The following PLPP4 variants were observed in gnomAD, a reference collection of about 807,000 sequenced individuals.
PLPP4 encodes the protein phospholipid phosphatase 4, also known as diacylglycerol pyrophosphate like 2.
Under a neutral mutation model 32.2 loss-of-function variants are expected in PLPP4, and 20 were observed. That is an observed-to-expected ratio of 0.62 (90% CI 0.44 to 0.90). The LOEUF (loss-of-function observed/expected upper bound fraction) is 0.90. Among genes scored for constraint, PLPP4 ranks in the 40% least tolerant of loss-of-function variants. The pLI, the probability that PLPP4 is intolerant of heterozygous loss-of-function variation, is 0.00. For synonymous variants in PLPP4, 127 were observed against 133.0 expected, an observed-to-expected ratio of 0.95 and a Z score of 0.31; for missense variants, 257 against 353.1, an observed-to-expected ratio of 0.73 and a Z score of 2.18.
chr10:120,583,505 A>T (rs943788924), intron 6 of PLPP4, among the ~76,000 whole-genome samples: 2 of 152,148 alleles, frequency 1.3e-5, no homozygotes, highest in African/African-American at 4.8e-5. Flanking sequence ...AAACATTTTT[A>T]TATATCCAGA....
chr10:120,465,457 A>T (rs1371082953), intron 1 of PLPP4, among the ~76,000 whole-genome samples: 1 of 152,236 alleles, frequency 6.6e-6, no homozygotes, highest in Non-Finnish European at 1.5e-5. Context: ...ACTAGTTGTT[A>T]TTCTATCTCC....
At chr10:120,486,275 TC>T (rs1844448261) in intron 1 of PLPP4, among the ~76,000 whole-genome samples, 1 of 151,808 alleles carries the variant, frequency 6.6e-6, no homozygotes, top group Admixed American at 6.6e-5. Context: ...TTTTTTTTTT[TC>T]CTCCTCAAAT....
chr10:120,560,884 G>A (rs1848402316), intron 5 of PLPP4, among the ~76,000 whole-genome samples: 1 of 152,196 alleles, frequency 6.6e-6, no homozygotes, highest in South Asian at 2.1e-4. Context: ...TGGTCAACAA[G>A]TAGGCTAGTA....
chr10:120,568,400 G>A (rs556399992), intron 5 of PLPP4, among the ~76,000 whole-genome samples: 3 of 152,304 alleles, frequency 2.0e-5, no homozygotes, highest in African/African-American at 4.8e-5. Flanking sequence ...GAGGCTACTC[G>A]TTTAGAAGAG....
At chr10:120,460,132 G>A (rs1847975358) in intron 1 of PLPP4, among the ~76,000 whole-genome samples, 1 of 152,154 alleles carries the variant, frequency 6.6e-6, no homozygotes, top group Admixed American at 6.5e-5. Flanking sequence ...GGCATATAAA[G>A]TTTAACATAA....
chr10:120,507,409 C>G (rs1986842), intron 2 of PLPP4, among the ~76,000 whole-genome samples: 67,539 of 151,916 alleles, frequency 0.44, 15,182 homozygotes, highest in South Asian at 0.6. Flanking sequence ...TCATCAACAA[C>G]AGTAAACATT....
At chr10:120,499,769 C>T (rs915043551) in intron 1 of PLPP4, among the ~76,000 whole-genome samples, 1 of 152,130 alleles carries the variant, frequency 6.6e-6, no homozygotes, top group Non-Finnish European at 1.5e-5. Flanking sequence ...TGGGAACCGC[C>T]GACCTAACAC....
intron 1 of PLPP4, among the ~76,000 whole-genome samples, chr10:120,482,789 G>A (rs933470348): frequency 8.5e-5 from 13 of 152,108 alleles, no homozygotes; most frequent in Non-Finnish European, 1.5e-4. Context: ...GCGGGTGCCT[G>A]TAGTCCCAGC....
chr10:120,540,328 A>G (rs993239138), intron 5 of PLPP4, among the ~76,000 whole-genome samples: 2 of 152,320 alleles, frequency 1.3e-5, no homozygotes, highest in South Asian at 4.1e-4. Flanking sequence ...CTTTGTCACA[A>G]TATCTTTGGT....
chr10:120,480,051 A>G (rs577736472), intron 1 of PLPP4, among the ~76,000 whole-genome samples: 1 of 152,364 alleles, frequency 6.6e-6, no homozygotes, highest in African/African-American at 2.4e-5. Flanking sequence ...ATGTAAAGTA[A>G]GATCACTCTT....
At chr10:120,506,287 T>C (rs1355643545) in intron 2 of PLPP4, among the ~76,000 whole-genome samples, 2 of 152,232 alleles carry the variant, frequency 1.3e-5, no homozygotes, top group Non-Finnish European at 2.9e-5. Context: ...AGGAAAGCAG[T>C]AGATACATTT....
intron 2 of PLPP4, among the ~76,000 whole-genome samples, chr10:120,508,922 C>T (rs1845615743): frequency 6.6e-6 from 1 of 152,210 alleles, no homozygotes; most frequent in African/African-American, 2.4e-5. Flanking sequence ...TAGTCAACAA[C>T]CAGCATTTGC....
chr10:120,514,986 C>T (rs867515596), intron 3 of PLPP4, among the ~76,000 whole-genome samples: 1 of 152,220 alleles, frequency 6.6e-6, no homozygotes, highest in Non-Finnish European at 1.5e-5. Context: ...ATATGATCCT[C>T]CCTTTTCCAT....
At chr10:120,460,111 A>G (rs1205814810) in intron 1 of PLPP4, among the ~76,000 whole-genome samples, 1 of 152,364 alleles carries the variant, frequency 6.6e-6, no homozygotes, top group Non-Finnish European at 1.5e-5. Context: ...AGAGTAATGC[A>G]AATCAAGGCT....
chr10:120,586,453 T>A (rs897292350), intron 6 of PLPP4, among the ~76,000 whole-genome samples: 38 of 152,280 alleles, frequency 2.5e-4, no homozygotes, highest in African/African-American at 8.9e-4. Context: ...TGGTAGAGTC[T>A]CCAAATAATC....
chr10:120,504,708 T>C (rs1484816330), intron 2 of PLPP4, among the ~76,000 whole-genome samples: 1 of 152,260 alleles, frequency 6.6e-6, no homozygotes, highest in African/African-American at 2.4e-5. Context: ...TTGTCTGGGC[T>C]ATGCTGAGTT....
At chr10:120,517,221 A>T (rs1473375097) in intron 3 of PLPP4, among the ~76,000 whole-genome samples, 1 of 152,068 alleles carries the variant, frequency 6.6e-6, no homozygotes, top group Non-Finnish European at 1.5e-5. Context: ...TAATGAGTTC[A>T]GCCCCACTGG....
chr10:120,488,973 T>G (rs1428900784), intron 1 of PLPP4, among the ~76,000 whole-genome samples: 3 of 152,218 alleles, frequency 2.0e-5, no homozygotes, highest in African/African-American at 7.2e-5. Flanking sequence ...TGAGATAAGA[T>G]GTAAGAAGTG....
chr10:120,474,542 T>A (rs1843810872), intron 1 of PLPP4, among the ~76,000 whole-genome samples: 1 of 152,222 alleles, frequency 6.6e-6, no homozygotes, highest in South Asian at 2.1e-4. Context: ...ATATTATGTT[T>A]TCATTCATTC....
Sources: gnomAD v4.1 joint callset for allele counts (sites outside exome capture counted in the v4.1 genomes callset) on GRCh38, gnomAD v4.1.1 for gene constraint, MANE v1.5 for transcripts, NCBI Gene and HGNC (gene_info 2026-07-23, HGNC 2026-07-21) for gene names.